Variants in ANK2 observed in about 807,000 individuals in gnomAD.
The protein encoded by ANK2 is ankyrin-2.
A neutral mutation model predicts 360.5 loss-of-function variants in ANK2; 83 were observed. That is an observed-to-expected ratio of 0.23 (90% confidence interval 0.19 to 0.28). The LOEUF (loss-of-function observed/expected upper bound fraction) is 0.28. Among genes scored for constraint, ANK2 ranks in the 10% least tolerant of loss-of-function variants. The pLI, the probability that ANK2 is intolerant of heterozygous loss-of-function variation, is 1.00. For missense variants in ANK2, 4,201 were observed against 4,795.7 expected (o/e 0.88, Z 3.66); for synonymous variants, 1,740 against 1,759.5 (o/e 0.99, Z 0.28).
At chr4:112,810,159 ATTT>A in the ANK2 span, among the ~76,000 whole-genome samples, 704 of 33,914 alleles carry the variant, frequency 0.021, no homozygotes, top group Admixed American at 0.058. Context: ...ATATATATAT[ATTT>A]TTTTTTTTTT....
the ANK2 span, among the ~76,000 whole-genome samples, chr4:112,746,617 A>G: frequency 1.3e-5 from 2 of 151,882 alleles, no homozygotes; most frequent in African/African-American, 4.9e-5. Flanking sequence ...TTGAAGTGAT[A>G]CAGATGATGT....
intron 1 of ANK2, among the ~76,000 whole-genome samples, chr4:113,054,296 A>G (rs757984449): frequency 6.7e-6 from 1 of 149,792 alleles, no homozygotes; most frequent in Non-Finnish European, 1.5e-5. Context: ...TAAGATATTC[A>G]TAAGCATTGC....
chr4:113,040,124 TAATATC>T (rs982184726), intron 2 of ANK2, among the ~76,000 whole-genome samples: 2 of 152,024 alleles, frequency 1.3e-5, no homozygotes, highest in Non-Finnish European at 2.9e-5. Context: ...TTTCAAGAAC[TAATATC>T]ACTAGAGACT....
intron 3 of ANK2, among the ~76,000 whole-genome samples, chr4:113,196,786 G>A (rs569845842): frequency 3.2e-4 from 48 of 152,198 alleles, no homozygotes; most frequent in Non-Finnish European, 4.3e-4. Flanking sequence ...CAAAGTGCTG[G>A]GATTATAGGC....
intron 23 of ANK2, among the ~76,000 whole-genome samples, chr4:113,308,826 C>G (rs762672825): frequency 3.4e-4 from 51 of 152,004 alleles, no homozygotes; most frequent in Non-Finnish European, 6.0e-4. Flanking sequence ...GAATCTGTAA[C>G]AGAGGAGAGA....
intron 1 of ANK2, among the ~76,000 whole-genome samples, chr4:113,089,773 G>A (rs113820415): frequency 0.01 from 1,564 of 152,118 alleles, 28 homozygotes; most frequent in African/African-American, 0.035. Flanking sequence ...GCAGTGAGCC[G>A]AGATCGCACC....
At position 113,145,945 on chromosome 4, in the gene ANK2, A is replaced by T. The variant is rs1438071004; in HGVS notation, c.85-28471A>T. 3 of 1,289,720 alleles carry T rather than the reference A, an allele frequency of 2.3e-6. No individual in the cohort carries two copies. In the Admixed American group the frequency reaches 6.9e-5, roughly 30 times the overall value. 79.9% of individuals were successfully genotyped at this position (1,289,720 alleles called of 1,614,324 possible). A position where few individuals can be genotyped will look rare whatever the true frequency, so the allele number is the denominator to read the frequency against. On this transcript the variant is annotated intron_variant, in intron 1 of 45. Coordinates refer to ENST00000357077, the MANE Select transcript of ANK2 (RefSeq NM_001148.6). Reference sequence around the variant, plus strand: ...GCACAAGGAAACATGCAGGAACTGGATAAAACCCCAGACTACTATGGCTGT... The same window carrying T: ...GCACAAGGAAACATGCAGGAACTGGTTAAAACCCCAGACTACTATGGCTGT...
chr4:113,365,217 G>A (rs755002466), intron 41 of ANK2, 35 bp downstream of exon 41: 3 of 1,599,184 alleles, frequency 1.9e-6, no homozygotes, highest in East Asian at 2.3e-5. Flanking sequence ...GTGTGTGTGT[G>A]TGTGTGTGTG....
the ANK2 span, among the ~76,000 whole-genome samples, chr4:112,796,189 C>T: frequency 4.6e-5 from 7 of 152,014 alleles, no homozygotes; most frequent in Non-Finnish European, 1.0e-4. Context: ...CTTTGGGAGG[C>T]TAGGTGGGCA....
chr4:112,997,087 AT>A (rs372018312), intron 2 of ANK2, among the ~76,000 whole-genome samples: 3,558 of 151,382 alleles, frequency 0.024, 135 homozygotes, highest in African/African-American at 0.077. Context: ...TGCTCTATGG[AT>A]TTTTTTTTAG....
intron 1 of ANK2, among the ~76,000 whole-genome samples, chr4:112,865,055 AAAAAAAAAAAAAAAAG>A (rs2069911194): frequency 8.2e-6 from 1 of 121,998 alleles, no homozygotes; most frequent in African/African-American, 3.0e-5. Flanking sequence ...AAAAAAAAAA[AAAAAAAAAAAAAAAAG>A]GAGTAGAAAC....
At chr4:112,820,212 A>T (rs867223505) in intron 1 of ANK2, among the ~76,000 whole-genome samples, 1 of 152,212 alleles carries the variant, frequency 6.6e-6, no homozygotes, top group Non-Finnish European at 1.5e-5. Context: ...TTATCATCAC[A>T]TTAGGCTAGC....
At chr4:113,293,357 T>G (rs1232571754) in intron 21 of ANK2, 83 bp from the exon 22 acceptor site, 1 of 1,198,264 alleles carries the variant, frequency 8.3e-7, no homozygotes, top group African/African-American at 1.5e-5. Context: ...TGCTGGCTGA[T>G]GCAGAGCAGC....
At chr4:113,105,000 T>A (rs1392196621) in intron 1 of ANK2, among the ~76,000 whole-genome samples, 1 of 151,814 alleles carries the variant, frequency 6.6e-6, no homozygotes, top group East Asian at 1.9e-4. Flanking sequence ...AGAAAATGAC[T>A]CCAGGAAATA....
At chr4:112,899,445 C>G (rs1404776974) in intron 1 of ANK2, among the ~76,000 whole-genome samples, 1 of 151,896 alleles carries the variant, frequency 6.6e-6, no homozygotes, top group East Asian at 1.9e-4. Flanking sequence ...CTTCTTTTTT[C>G]TCCCTCTGGC....
intron 1 of ANK2, among the ~76,000 whole-genome samples, chr4:112,866,188 C>T (rs2070459193): frequency 6.6e-6 from 1 of 152,188 alleles, no homozygotes; most frequent in Non-Finnish European, 1.5e-5. Flanking sequence ...TGGGCATCTA[C>T]TTTGTGACTG....
At chr4:113,145,021 G>A (rs2096777755) in intron 1 of ANK2, among the ~76,000 whole-genome samples, 2 of 151,902 alleles carry the variant, frequency 1.3e-5, no homozygotes, top group Non-Finnish European at 2.9e-5. Flanking sequence ...ATTGGATGGT[G>A]TTGAAAGCCA....
At chr4:112,739,050 C>T in the ANK2 span, 4 of 576,218 alleles carry the variant, frequency 6.9e-6, no homozygotes, top group African/African-American at 5.6e-5. Flanking sequence ...TTCTGTCCAG[C>T]TGGCCATCAG....
chr4:112,991,773 C>G (rs1009264835), intron 2 of ANK2, among the ~76,000 whole-genome samples: 5 of 152,006 alleles, frequency 3.3e-5, no homozygotes, highest in Admixed American at 2.6e-4. Context: ...TCCTTCAATA[C>G]TTTGTTTAGC....
Sources: gnomAD v4.1 joint callset for allele counts (sites outside exome capture counted in the v4.1 genomes callset) on GRCh38, gnomAD v4.1.1 for gene constraint, MANE v1.5 for transcripts, NCBI Gene and HGNC (gene_info 2026-07-23, HGNC 2026-07-21) for gene names.